Variants in CNDP2 observed in about 807,000 individuals in gnomAD.
CNDP2 encodes the protein cytosolic non-specific dipeptidase.
CNDP2 carries 38 observed loss-of-function variants against 55.0 expected under a neutral mutation model. That is an observed-to-expected ratio of 0.69 (90% CI 0.53 to 0.90). CNDP2 has a LOEUF of 0.90. CNDP2 is among the 40% of genes least tolerant of loss of function. The probability of loss-of-function intolerance (pLI) is 0.00; values close to 1 mark genes in which losing one functional copy is unlikely to be tolerated. For missense variants in CNDP2, 607 were observed against 621.7 expected, an observed-to-expected ratio of 0.98 and a Z score of 0.25; for synonymous variants, 241 against 260.2, an observed-to-expected ratio of 0.93 and a Z score of 0.71.
At chr18:74,504,629 C>T (rs1298791903) in intron 3 of CNDP2, 1 of 152,274 alleles carries the variant, frequency 6.6e-6, no homozygotes. Context: ...AATTTAACTT[C>T]ATTATCAATT....
Position 74,514,494 on chromosome 18 carries a change from G to A in CNDP2, c.903+775G>A, listed in dbSNP as rs572626434. 5.5e-5 allele frequency among the ~76,000 whole-genome samples: 8 copies of A among 146,188 alleles called. No individual in the cohort carries two copies. The East Asian group carries it at 1.6e-3, about 29-fold the overall frequency. On this transcript the variant is annotated intron_variant, in intron 8 of 11. Transcript: ENST00000324262. Reference sequence around the variant, plus strand: ...TTTATGTGGTATGGATGTAAGTTCTGCAGCCTGTGGGCTTACGTGGTACGT... The same window carrying A: ...TTTATGTGGTATGGATGTAAGTTCTACAGCCTGTGGGCTTACGTGGTACGT...
chr18:74,498,068 C>G (rs1978503555), intron 1 of CNDP2: 1 of 152,126 alleles, frequency 6.6e-6, no homozygotes, highest in Non-Finnish European at 1.5e-5. Context: ...TGCTTTTTAG[C>G]CCATCTCTGA....
In CNDP2 at chr18:74,505,965, G is replaced by A. The variant is rs370034120; in HGVS notation, c.321G>A (p.Leu107=). The A allele has an allele frequency of 3.2e-5, 51 of 1,609,310 alleles. No individual in the cohort carries two copies. In the African/African-American group the frequency reaches 3.7e-4, roughly 12 times the overall value. ...YGHLDVQPAA[L]EDGWDSEPFT... ...ACCTGGATGTGCAGCCTGCAGCCCTGGAGGACGGCTGGGACAGCGAGCCCT... is the reference window on the plus strand; with the variant it reads ...ACCTGGATGTGCAGCCTGCAGCCCTAGAGGACGGCTGGGACAGCGAGCCCT... Residue 107 remains leucine, a synonymous_variant, in exon 4 of 12, where the codon CTG becomes CTA. Coordinates refer to ENST00000324262, the MANE Select transcript of CNDP2 (RefSeq NM_018235.3).
Position 74,512,482 on chromosome 18 carries a change from T to G in CNDP2, c.692T>G (p.Val231Gly). 1 of 1,613,802 alleles carries G rather than the reference T, an allele frequency of 6.2e-7. No homozygotes were observed. The highest frequency in any genetic ancestry group is 8.5e-7 in the Non-Finnish European group (1 of 1,179,918). The change falls in exon 7 of 12, where the codon GTG (valine) becomes GGG (glycine). Residue 231 changes from valine (V) to glycine (G), a missense_variant. Transcript: ENST00000324262. Reference sequence around the variant, plus strand: ...AGCAACAAAGACCTCCATTCTGGGGTGTACGGGGGCTCGGTGCATGAGGCC... The same window carrying G: ...AGCAACAAAGACCTCCATTCTGGGGGGTACGGGGGCTCGGTGCATGAGGCC... ...ECSNKDLHSG[V>G]YGGSVHEAMT...
In CNDP2 at chr18:74,520,205, C is replaced by T; in HGVS notation, c.*137C>T. 1.3e-6 allele frequency: 1 copy of T among 786,086 alleles called. No homozygotes were observed. 48.7% of individuals were successfully genotyped at this position (786,086 alleles called of 1,614,324 possible). A position where few individuals can be genotyped will look rare whatever the true frequency, so the allele number is the denominator to read the frequency against. On this transcript the variant is annotated 3_prime_UTR_variant, in exon 12 of 12. Coordinates refer to ENST00000324262, the MANE Select transcript of CNDP2 (RefSeq NM_018235.3). The stretch of plus-strand genomic sequence containing the variant: ...GTCATCCATGACTTTAGAGAACAGA[C>T]ACAAGTGTATCCAGCTGTCCACGGG...
Position 74,520,989 on chromosome 18 carries a change from T to C in CNDP2, c.*921T>C, listed in dbSNP as rs1472684805. On this transcript the variant is annotated 3_prime_UTR_variant, in exon 12 of 12. Coordinates refer to ENST00000324262, the MANE Select transcript of CNDP2 (RefSeq NM_018235.3). ...CTCTCGCTATCTGCGGGTCCTGTCC[T>C]TTTCTCAAGACCTTCACCATTACTG... 1 of 152,220 alleles carries C rather than the reference T, an allele frequency of 6.6e-6. No individual in the cohort carries two copies. The highest frequency in any genetic ancestry group is 1.5e-5 in the Non-Finnish European group (1 of 68,048). 9.4% of individuals were successfully genotyped at this position (152,220 alleles called of 1,614,324 possible). A position where few individuals can be genotyped will look rare whatever the true frequency, so the allele number is the denominator to read the frequency against.
chr18:74,509,034 T>A (rs1458407159), intron 5 of CNDP2, 106 bp downstream of exon 5: 2 of 924,480 alleles, frequency 2.2e-6, no homozygotes, highest in Non-Finnish European at 3.4e-6. Context: ...CAGGAAAAGA[T>A]AAGACAAGCG....
rs777066583 is a variant in CNDP2 at position 74,500,001 on chromosome 18, T to C, written c.28T>C (p.Tyr10His). The change falls in exon 2 of 12, where the codon TAC (tyrosine) becomes CAC (histidine). Residue 10 changes from tyrosine (Y) to histidine (H), a missense_variant. Physicochemically the swap from Tyr to His is moderately conservative, Grantham distance 83. Coordinates refer to ENST00000324262, the MANE Select transcript of CNDP2 (RefSeq NM_018235.3). Reference sequence around the variant, plus strand: ...GGCGGCCCTCACTACCCTGTTTAAGTACATAGATGAAAATCAGGATCGCTA... The same window carrying C: ...GGCGGCCCTCACTACCCTGTTTAAGCACATAGATGAAAATCAGGATCGCTA... MAALTTLFK[Y>H]IDENQDRYIK... The C allele has an allele frequency of 1.2e-6, 2 of 1,614,108 alleles. No homozygotes were observed. The highest frequency in any genetic ancestry group is 1.7e-6 in the Non-Finnish European group (2 of 1,180,000).
chr18:74,516,486 G>A, intron 9 of CNDP2, 94 bp downstream of exon 9: 3 of 1,242,314 alleles, frequency 2.4e-6, no homozygotes, highest in Non-Finnish European at 3.3e-6. Flanking sequence ...AGACACCCGG[G>A]CCATGCATGC....
chr18:74,508,960 C>A, intron 5 of CNDP2, 32 bp downstream of exon 5: 1 of 1,574,980 alleles, frequency 6.3e-7, no homozygotes, highest in Non-Finnish European at 8.7e-7. Flanking sequence ...CTGCCTGAGT[C>A]CTGGGTTCCA....
At chr18:74,509,945 A>T (rs968019316) in intron 5 of CNDP2, among the ~76,000 whole-genome samples, 20 of 152,120 alleles carry the variant, frequency 1.3e-4, no homozygotes, top group African/African-American at 4.6e-4. Flanking sequence ...CATGGTGGGG[A>T]GGTGACACCC....
intron 1 of CNDP2, 38 bp from the exon 2 acceptor site, chr18:74,499,844 C>T (rs1599058128): frequency 1.4e-6 from 1 of 703,386 alleles, no homozygotes; most frequent in East Asian, 2.8e-5. Context: ...GAGGGTGGGG[C>T]AACAATTTAC....
intron 1 of CNDP2, among the ~76,000 whole-genome samples, chr18:74,498,284 A>G (rs901385681): frequency 2.6e-5 from 4 of 152,084 alleles, no homozygotes; most frequent in African/African-American, 9.7e-5. Flanking sequence ...GGTGTAGCCT[A>G]TTGCTCCTAG....
chr18:74,513,699 A>T lies in CNDP2; in HGVS notation c.883A>T (p.Ile295Phe). The T allele has an allele frequency of 3.1e-6, 5 of 1,613,876 alleles. No individual in the cohort carries two copies. Among genetic ancestry groups the T allele is most frequent in the Non-Finnish European group, 3.4e-6 (4 of 1,179,928 alleles). ...GTTTGCCAAGGATGTGGGGGCGCAGATCCTCCTGCACAGCCACAAGGTCTG... is the reference window on the plus strand; with the variant it reads ...GTTTGCCAAGGATGTGGGGGCGCAGTTCCTCCTGCACAGCCACAAGGTCTG... Reference protein sequence around the residue: ...EEFAKDVGAQILLHSHKKDIL... With the variant: ...EEFAKDVGAQFLLHSHKKDIL... Residue 295 changes from isoleucine (I) to phenylalanine (F), a missense_variant, in exon 8 of 12, where the codon ATC (isoleucine) becomes TTC (phenylalanine). Physicochemically the swap from Ile to Phe is conservative, Grantham distance 21. Transcript: ENST00000324262.
intron 1 of CNDP2, among the ~76,000 whole-genome samples, chr18:74,497,000 G>A (rs1323446110): frequency 6.6e-6 from 1 of 152,188 alleles, no homozygotes; most frequent in Non-Finnish European, 1.5e-5. Context: ...GCGTCTGAGG[G>A]GAGACAAAAT....
intron 3 of CNDP2, 84 bp from the exon 4 acceptor site, chr18:74,505,765 T>G: frequency 6.7e-7 from 1 of 1,493,774 alleles, no homozygotes; most frequent in Non-Finnish European, 9.2e-7. Flanking sequence ...ATAAGGAAGC[T>G]CAAGGTCTTT....
At chr18:74,501,260 G>A (rs561623931) in intron 2 of CNDP2, 69 bp from the exon 3 acceptor site, 12 of 1,552,922 alleles carry the variant, frequency 7.7e-6, no homozygotes, top group African/African-American at 1.4e-5. Flanking sequence ...ATGTGGCAAC[G>A]TTACGGGAGC....
chr18:74,497,377 C>G (rs542900564), intron 1 of CNDP2: 1 of 152,298 alleles, frequency 6.6e-6, no homozygotes, highest in Admixed American at 6.5e-5. Context: ...CTTCAATTAT[C>G]AAGGGACAGG....
rs562695243 is a variant in CNDP2 at position 74,513,811 on chromosome 18, G to C, written c.903+92G>C. ...CTGTCACCTTCCCTGGGTCCAGGGG[G>C]TCTCTGAGGGAAGAGCTGGAATGTC... On this transcript the variant is annotated intron_variant, in intron 8 of 11. Coordinates refer to ENST00000324262, the MANE Select transcript of CNDP2 (RefSeq NM_018235.3). 4.2e-5 allele frequency: 55 copies of C among 1,314,998 alleles called. No homozygotes were observed. The African/African-American group carries it at 7.7e-4, about 18-fold the overall frequency. The allele number at this position is 1,314,998 out of a possible 1,614,324, so 81.5% of individuals were successfully genotyped here.
Sources: allele counts gnomAD v4.1 joint callset (sites outside exome capture counted in the v4.1 genomes callset), GRCh38; gene constraint gnomAD v4.1.1; transcripts MANE v1.5; gene names NCBI Gene and HGNC (gene_info 2026-07-23, HGNC 2026-07-21).